Variants in CTNND2 observed in about 807,000 individuals in gnomAD.
CTNND2 encodes the protein catenin delta 2, also known as catenin delta-2.
Under a neutral mutation model 144.4 loss-of-function variants are expected in CTNND2, and 22 were observed. The observed-to-expected ratio is 0.15, with a 90% CI of 0.11 to 0.22. CTNND2 has a LOEUF of 0.22. Ranked by LOEUF, CTNND2 falls within the 10% of genes least tolerant of loss-of-function variation. The pLI is 1.00. For synonymous variants in CTNND2, 751 were observed against 695.6 expected (o/e 1.08, Z -1.25); for missense variants, 1,353 against 1,618.8 (o/e 0.84, Z 2.82).
At chr5:11,641,919 T>A (rs184544700) in intron 2 of CTNND2, among the ~76,000 whole-genome samples, 1 of 152,062 alleles carries the variant, frequency 6.6e-6, no homozygotes, top group African/African-American at 2.4e-5. Flanking sequence ...ACAAAACAAT[T>A]TACATGTTTA....
chr5:11,092,868 A>G (rs1750908575), intron 15 of CTNND2, among the ~76,000 whole-genome samples: 1 of 152,160 alleles, frequency 6.6e-6, no homozygotes, highest in South Asian at 2.1e-4. Context: ...AGACTCCACT[A>G]ATCTGCCCTG....
chr5:11,604,802 C>G (rs958913562), intron 2 of CTNND2, among the ~76,000 whole-genome samples: 1 of 152,160 alleles, frequency 6.6e-6, no homozygotes, highest in Non-Finnish European at 1.5e-5. Context: ...CCAAGTACAT[C>G]AGTGGAGGAA....
chr5:11,696,873 A>G (rs1785163067), intron 2 of CTNND2, among the ~76,000 whole-genome samples: 1 of 152,222 alleles, frequency 6.6e-6, no homozygotes, highest in Admixed American at 6.5e-5. Context: ...TAGCTGGATG[A>G]AATCTTTTGT....
intron 1 of CTNND2, among the ~76,000 whole-genome samples, chr5:11,767,900 A>G (rs949081160): frequency 7.8e-6 from 1 of 128,086 alleles, no homozygotes; most frequent in Non-Finnish European, 1.6e-5. Context: ...AATGTATGGT[A>G]GATATAAATA....
chr5:11,253,311 T>C (rs556692187), intron 9 of CTNND2, among the ~76,000 whole-genome samples: 2 of 152,338 alleles, frequency 1.3e-5, no homozygotes, highest in East Asian at 3.9e-4. Flanking sequence ...TTAAGGACTA[T>C]TGATATGGTT....
intron 3 of CTNND2, among the ~76,000 whole-genome samples, chr5:11,418,252 C>A (rs1405417814): frequency 6.6e-6 from 1 of 151,870 alleles, no homozygotes; most frequent in African/African-American, 2.4e-5. Context: ...ACTAAAAATA[C>A]AAAAGTAGCT....
At chr5:11,439,929 C>T (rs1764122391) in intron 3 of CTNND2, among the ~76,000 whole-genome samples, 1 of 151,936 alleles carries the variant, frequency 6.6e-6, no homozygotes, top group African/African-American at 2.4e-5. Flanking sequence ...CCCTGGTCTC[C>T]CAAATTGCTG....
At chr5:11,519,397 C>T (rs937428303) in intron 3 of CTNND2, among the ~76,000 whole-genome samples, 16 of 152,126 alleles carry the variant, frequency 1.1e-4, no homozygotes, top group African/African-American at 3.9e-4. Context: ...TCATCTTACA[C>T]ATCTTCAAAG....
chr5:11,659,161 A>G (rs1783057911), intron 2 of CTNND2, among the ~76,000 whole-genome samples: 1 of 152,198 alleles, frequency 6.6e-6, no homozygotes, highest in African/African-American at 2.4e-5. Context: ...TACAAATAAT[A>G]CAAGTAAGAA....
intron 1 of CTNND2, among the ~76,000 whole-genome samples, chr5:11,899,072 G>A (rs1428161732): frequency 6.6e-6 from 1 of 152,168 alleles, no homozygotes; most frequent in Non-Finnish European, 1.5e-5. Context: ...TATTTTCAAA[G>A]AGGTACCAAT....
At chr5:11,326,934 G>A (rs902763990) in intron 9 of CTNND2, among the ~76,000 whole-genome samples, 1 of 152,140 alleles carries the variant, frequency 6.6e-6, no homozygotes, top group African/African-American at 2.4e-5. Flanking sequence ...GGCATCTCCT[G>A]GGACGCATGC....
chr5:11,324,358 T>C (rs1752327972), intron 9 of CTNND2, among the ~76,000 whole-genome samples: 2 of 152,220 alleles, frequency 1.3e-5, no homozygotes, highest in Non-Finnish European at 2.9e-5. Flanking sequence ...CAGAACATTT[T>C]CTAAGTCACA....
At chr5:11,734,394 G>C (rs1423671438) in intron 1 of CTNND2, among the ~76,000 whole-genome samples, 1 of 152,104 alleles carries the variant, frequency 6.6e-6, no homozygotes. Flanking sequence ...TAAATCATAG[G>C]GGCAGGTTTT....
chr5:11,618,811 T>C (rs531843731), intron 2 of CTNND2, among the ~76,000 whole-genome samples: 3 of 152,314 alleles, frequency 2.0e-5, no homozygotes, highest in South Asian at 2.1e-4. Flanking sequence ...ATATTGAGTA[T>C]CATTTGTATA....
At chr5:11,260,022 T>G (rs1744697820) in intron 9 of CTNND2, among the ~76,000 whole-genome samples, 2 of 152,248 alleles carry the variant, frequency 1.3e-5, no homozygotes, top group African/African-American at 4.8e-5. Context: ...ATGACTTTCC[T>G]ATGCAGCTCT....
At chr5:11,774,028 T>C (rs1790101523) in intron 1 of CTNND2, among the ~76,000 whole-genome samples, 1 of 152,172 alleles carries the variant, frequency 6.6e-6, no homozygotes, top group Non-Finnish European at 1.5e-5. Flanking sequence ...GAAGAGATCA[T>C]ACATTAATCT....
Position 10,990,006 on chromosome 5 carries a change from C to T in CTNND2, c.3212-1764G>A. ...AAAAAAAATACTGAGGCTTGAACCC[C>T]ACCCAATGCCAGCTGGCCAGAAGTC... On this transcript the variant is annotated intron_variant, in intron 19 of 21. Transcript: ENST00000304623. 1.3e-5 allele frequency among the ~76,000 whole-genome samples: 2 copies of T among 152,210 alleles called. 1 individual carries two copies. The highest frequency in any genetic ancestry group is 3.8e-4 in the East Asian group (2 of 5,196).
intron 9 of CTNND2, among the ~76,000 whole-genome samples, chr5:11,289,997 A>G (rs1189685077): frequency 6.6e-6 from 1 of 152,230 alleles, no homozygotes; most frequent in African/African-American, 2.4e-5. Context: ...ATCACGCAGC[A>G]TCAGAAAATG....
intron 18 of CTNND2, among the ~76,000 whole-genome samples, chr5:11,015,878 T>C (rs1254924261): frequency 6.6e-6 from 1 of 152,210 alleles, no homozygotes; most frequent in Non-Finnish European, 1.5e-5. Flanking sequence ...ATTTGCCTCC[T>C]GGAGGAATTC....
Sources: gnomAD v4.1 joint callset for allele counts (sites outside exome capture counted in the v4.1 genomes callset) on GRCh38, gnomAD v4.1.1 for gene constraint, MANE v1.5 for transcripts, NCBI Gene and HGNC (gene_info 2026-07-23, HGNC 2026-07-21) for gene names.